The following TEX48 variants were observed in gnomAD, a reference collection of about 807,000 sequenced individuals.
The protein encoded by TEX48 is testis-expressed protein 48.
TEX48 carries 10 observed loss-of-function variants against 13.2 expected under a neutral mutation model. The observed-to-expected ratio is 0.75, with a 90% CI of 0.47 to 1.28. The LOEUF (loss-of-function observed/expected upper bound fraction) is 1.28. Ranked by LOEUF, TEX48 falls within the 50% of genes most tolerant of loss-of-function variation. TEX48 has a pLI of 0.00. For synonymous variants in TEX48, 45 were observed against 52.3 expected (o/e 0.86, Z 0.60); for missense variants, 116 against 139.4 (o/e 0.83, Z 0.84).
intron 4 of TEX48, 119 bp downstream of exon 4, chr9:114,668,087 G>A: frequency 1.5e-6 from 2 of 1,299,342 alleles, no homozygotes; most frequent in South Asian, 2.9e-5. Flanking sequence ...GCTGCTTGAT[G>A]GGAGCAATTC....
chr9:114,667,974 C>A (rs1489160706), intron 4 of TEX48, among the ~76,000 whole-genome samples: 1 of 151,738 alleles, frequency 6.6e-6, no homozygotes, highest in African/African-American at 2.4e-5. Flanking sequence ...GTTTGCCCTT[C>A]CCCCCAGACC....
chr9:114,672,449 C>G (rs1827966520), intron 1 of TEX48, among the ~76,000 whole-genome samples: 1 of 152,218 alleles, frequency 6.6e-6, no homozygotes, highest in Non-Finnish European at 1.5e-5. Context: ...TGGATACATT[C>G]TGTTCTCACT....
Position 114,671,419 on chromosome 9 carries a change from G to A in TEX48, c.91C>T (p.Pro31Ser). 6.5e-7 allele frequency: 1 copy of A among 1,535,464 alleles called. No individual in the cohort carries two copies. ...GGCTTGTGCTCCTGGGTTTGACTGG[G>A]AACCTTGGAGTCATTGATGGCATAG... ...EPYAINDSKV[P>S]SQTQEHKPST... Residue 31 changes from proline to serine, a missense_variant, in exon 3 of 5, where the codon CCC (proline) becomes TCC (serine). Transcript: ENST00000436752.
chr9:114,672,247 G>T (rs957154884), intron 1 of TEX48, among the ~76,000 whole-genome samples: 2 of 152,114 alleles, frequency 1.3e-5, no homozygotes, highest in African/African-American at 2.4e-5. Flanking sequence ...TTTAAATTCT[G>T]GTTTTGCCAC....
chr9:114,679,294 T>G (rs957183842), intron 1 of TEX48, among the ~76,000 whole-genome samples: 1 of 149,684 alleles, frequency 6.7e-6, no homozygotes, highest in Non-Finnish European at 1.5e-5. Flanking sequence ...TTTGACCTAC[T>G]AGATAAAACA....
At chr9:114,676,155 TC>T (rs1828057963) in intron 1 of TEX48, among the ~76,000 whole-genome samples, 1 of 152,178 alleles carries the variant, frequency 6.6e-6, no homozygotes, top group African/African-American at 2.4e-5. Context: ...TTTTCCTTTT[TC>T]TTTTTCTTTT....
chr9:114,679,086 T>C (rs1828135357), intron 1 of TEX48, among the ~76,000 whole-genome samples: 2 of 151,904 alleles, frequency 1.3e-5, no homozygotes, highest in African/African-American at 4.8e-5. Flanking sequence ...GGTGACTTAA[T>C]AGACTTCAGG....
intron 3 of TEX48, among the ~76,000 whole-genome samples, chr9:114,670,619 T>C (rs1827930372): frequency 6.6e-6 from 1 of 152,180 alleles, no homozygotes; most frequent in Non-Finnish European, 1.5e-5. Flanking sequence ...TGTCTCTCTC[T>C]CTTCCCTTGA....
At chr9:114,678,132 GCTT>G (rs1828111083) in intron 1 of TEX48, among the ~76,000 whole-genome samples, 1 of 152,054 alleles carries the variant, frequency 6.6e-6, no homozygotes, top group Non-Finnish European at 1.5e-5. Context: ...TAAATAGAAG[GCTT>G]CTTTGTCTGG....
In TEX48 at chr9:114,676,702, C is replaced by T. The variant is rs150132080; in HGVS notation, c.-104-4875G>A. The stretch of plus-strand genomic sequence containing the variant: ...CGCAATCTTGTCTCACTTCGTGCTC[C>T]GCCTCCCGGGTTCACGCCATTCTCC... On this transcript the variant is annotated intron_variant, in intron 1 of 4. Transcript: ENST00000436752. 9.8e-4 allele frequency among the ~76,000 whole-genome samples: 148 copies of T among 151,622 alleles called. 2 individuals are homozygous for T. The South Asian group carries it at 0.015, about 15-fold the overall frequency.
At chr9:114,674,151 C>A (rs1828005323) in intron 1 of TEX48, among the ~76,000 whole-genome samples, 1 of 152,084 alleles carries the variant, frequency 6.6e-6, no homozygotes, top group Non-Finnish European at 1.5e-5. Flanking sequence ...AGTGGTTTTG[C>A]ATATTCCTCA....
chr9:114,672,794 CG>C (rs1252716293), intron 1 of TEX48, among the ~76,000 whole-genome samples: 1 of 151,758 alleles, frequency 6.6e-6, no homozygotes, highest in Non-Finnish European at 1.5e-5. Flanking sequence ...GTAGATGGAG[CG>C]ATATAATATG....
At chr9:114,673,732 A>G (rs1435358129) in intron 1 of TEX48, among the ~76,000 whole-genome samples, 2 of 152,176 alleles carry the variant, frequency 1.3e-5, no homozygotes, top group African/African-American at 4.8e-5. Flanking sequence ...AAGGAAAATG[A>G]TACCAGATGG....
chr9:114,666,584 C>A lies in TEX48; in HGVS notation c.*59G>T, dbSNP rs1827845525. ...CCGAATTAGTCTTCATGACTCCTGTCCACCGCCCTCTTCCTCATGGAGATG... is the reference window on the plus strand; with the variant it reads ...CCGAATTAGTCTTCATGACTCCTGTACACCGCCCTCTTCCTCATGGAGATG... On this transcript the variant is annotated 3_prime_UTR_variant, in exon 5 of 5. Coordinates refer to ENST00000436752, the MANE Select transcript of TEX48 (RefSeq NM_001199233.2). The A allele has an allele frequency of 1.0e-6, 1 of 970,966 alleles. No individual in the cohort carries two copies. Among genetic ancestry groups the A allele is most frequent in the East Asian group, 2.6e-5 (1 of 38,070 alleles). The allele number at this position is 970,966 out of a possible 1,614,324, so 60.1% of individuals were successfully genotyped here.
chr9:114,672,789 T>TG (rs1371995752), intron 1 of TEX48, among the ~76,000 whole-genome samples: 6 of 152,114 alleles, frequency 3.9e-5, no homozygotes, highest in South Asian at 2.1e-4. Context: ...GTATAGTAGA[T>TG]GGAGCGATAT....
chr9:114,668,962 G>A (rs762269513), intron 3 of TEX48, among the ~76,000 whole-genome samples: 41 of 152,010 alleles, frequency 2.7e-4, no homozygotes, highest in Non-Finnish European at 5.0e-4. Context: ...TCAGCCCCCC[G>A]AGTAGCTAGG....
intron 3 of TEX48, among the ~76,000 whole-genome samples, chr9:114,668,946 C>T (rs1267826191): frequency 6.6e-6 from 1 of 152,126 alleles, no homozygotes; most frequent in East Asian, 1.9e-4. Flanking sequence ...AAGCAATCCT[C>T]CTGCCTCAGC....
chr9:114,681,049 C>A (rs929813745), intron 1 of TEX48, among the ~76,000 whole-genome samples: 7 of 152,352 alleles, frequency 4.6e-5, no homozygotes, highest in African/African-American at 1.7e-4. Context: ...TGAATGCAGG[C>A]ATCTTCCACC....
At chr9:114,677,297 T>C (rs1237566756) in intron 1 of TEX48, among the ~76,000 whole-genome samples, 4 of 152,176 alleles carry the variant, frequency 2.6e-5, no homozygotes, top group African/African-American at 9.7e-5. Flanking sequence ...ATGGGATTTT[T>C]TTTTTTTAAC....
Sources: allele counts gnomAD v4.1 joint callset (sites outside exome capture counted in the v4.1 genomes callset), GRCh38; gene constraint gnomAD v4.1.1; transcripts MANE v1.5; gene names NCBI Gene and HGNC (gene_info 2026-07-23, HGNC 2026-07-21).